IRF8: variants seen among roughly 807,000 people sequenced by gnomAD.
The protein encoded by IRF8 is interferon consensus sequence binding protein 1.
Under a neutral mutation model 48.7 loss-of-function variants are expected in IRF8, and 14 were observed. The ratio of observed to expected loss-of-function variants is 0.29; its 90% CI spans 0.19 to 0.45. IRF8 has a LOEUF of 0.45. IRF8 is among the 20% of genes least tolerant of loss of function. The probability of loss-of-function intolerance (pLI) is 1.00; values close to 1 mark genes in which losing one functional copy is unlikely to be tolerated. For missense variants in IRF8, 493 were observed against 580.7 expected (o/e 0.85, Z 1.55); for synonymous variants, 278 against 227.3 (o/e 1.22, Z -2.01).
intron 6 of IRF8, among the ~76,000 whole-genome samples, chr16:85,918,156 TAAAG>T (rs1905381413): frequency 6.6e-6 from 1 of 152,178 alleles, no homozygotes; most frequent in South Asian, 2.1e-4. Context: ...ACCTTGTATT[TAAAG>T]AGTCAGTGAA....
chr16:85,920,081 C>A, intron 7 of IRF8, 28 bp from the exon 8 acceptor site: 1 of 1,566,276 alleles, frequency 6.4e-7, no homozygotes, highest in Non-Finnish European at 8.8e-7. Context: ...GCCTTGCTTG[C>A]AAACACCCTC....
At chr16:85,904,002 C>A (rs1904910812) in intron 2 of IRF8, among the ~76,000 whole-genome samples, 1 of 152,180 alleles carries the variant, frequency 6.6e-6, no homozygotes, top group Non-Finnish European at 1.5e-5. Context: ...GACAGAGGAA[C>A]CAGGAATTAG....
chr16:85,916,696 G>A (rs1369196166), intron 6 of IRF8, among the ~76,000 whole-genome samples: 1 of 152,244 alleles, frequency 6.6e-6, no homozygotes, highest in South Asian at 2.1e-4. Flanking sequence ...GGCCAAAGGG[G>A]TGACGGAGTT....
intron 1 of IRF8, among the ~76,000 whole-genome samples, chr16:85,900,517 C>T (rs1266455378): frequency 2.0e-5 from 3 of 152,206 alleles, no homozygotes; most frequent in Non-Finnish European, 2.9e-5. Context: ...GAGGAGACCA[C>T]GAAGGACACA....
Position 85,920,136 on chromosome 16 carries a change from G to A in IRF8, c.1016G>A (p.Gly339Asp). 1 of 1,614,140 alleles carries A rather than the reference G, an allele frequency of 6.2e-7. No homozygotes were observed. Among genetic ancestry groups the A allele is most frequent in the Non-Finnish European group, 8.5e-7 (1 of 1,180,000 alleles). The change falls in exon 8 of 9, where the codon GGC becomes GAC. Residue 339 changes from glycine (G) to aspartate (D), a missense_variant. By Grantham distance (94) the Gly-to-Asp change is moderately conservative (BLOSUM62 -1). Around this residue, in one of 3 missense-constraint regions of IRF8, gnomAD observed 408 missense variants for 449.6 expected, o/e 0.91. Transcript: ENST00000268638. ...CTGCAGCAGTTCTATAACAGCCAGGGCCGGCTTCCTGACGGCAGGGTGGTG... is the reference window on the plus strand; with the variant it reads ...CTGCAGCAGTTCTATAACAGCCAGGACCGGCTTCCTGACGGCAGGGTGGTG... ...RELQQFYNSQ[G>D]RLPDGRVVLC...
At chr16:85,901,809 T>C (rs570336502) in intron 1 of IRF8, among the ~76,000 whole-genome samples, 2 of 152,340 alleles carry the variant, frequency 1.3e-5, no homozygotes, top group Admixed American at 1.3e-4. Context: ...ATTGATATTT[T>C]GCTTTCTGGA....
intron 1 of IRF8, among the ~76,000 whole-genome samples, chr16:85,899,593 A>G (rs982464307): frequency 6.6e-6 from 1 of 152,176 alleles, no homozygotes; most frequent in Non-Finnish European, 1.5e-5. Context: ...TACCACGTGG[A>G]ATAATGCTTG....
rs1216291731 is a variant in IRF8, at chr16:85,921,567, T to C, written c.*285T>C. 4.6e-6 allele frequency: 2 copies of C among 431,714 alleles called. No individual in the cohort carries two copies. Among genetic ancestry groups the C allele is most frequent in the Admixed American group, 3.8e-5 (1 of 26,364 alleles). 26.7% of individuals were successfully genotyped at this position (431,714 alleles called of 1,614,324 possible). A position where few individuals can be genotyped will look rare whatever the true frequency, so the allele number is the denominator to read the frequency against. On this transcript the variant is annotated 3_prime_UTR_variant, in exon 9 of 9. Transcript: ENST00000268638. ...TCATTATCATTAGTTGCTATGATTC[T>C]TTCTGCATTTTCGGTTAACTATCAT...
At position 85,921,101 on chromosome 16, in the gene IRF8, T is replaced by A; in HGVS notation, c.1105-5T>A. On this transcript the variant is annotated splice_polypyrimidine_tract_variant and splice_region_variant and intron_variant, in intron 8 of 8. Coordinates refer to ENST00000268638, the MANE Select transcript of IRF8 (RefSeq NM_002163.4). ...TGCCTCTGACTTTCTGCACCTCCCA[T>A]CTAGATTGAGCAGCTGTATGTCCGG... 6.2e-7 allele frequency: 1 copy of A among 1,611,088 alleles called. No individual in the cohort carries two copies. Among genetic ancestry groups the A allele is most frequent in the Non-Finnish European group, 8.5e-7 (1 of 1,178,664 alleles).
intron 3 of IRF8, among the ~76,000 whole-genome samples, chr16:85,910,969 G>A (rs1259538067): frequency 1.3e-5 from 2 of 152,240 alleles, no homozygotes; most frequent in Non-Finnish European, 2.9e-5. Context: ...AAGGGAAAGA[G>A]CAGAGGCTGG....
intron 6 of IRF8, among the ~76,000 whole-genome samples, chr16:85,915,539 C>T (rs1318740627): frequency 6.6e-6 from 1 of 152,206 alleles, no homozygotes; most frequent in East Asian, 1.9e-4. Flanking sequence ...GGGTTGTTTT[C>T]ACTCCGGCTT....
intron 3 of IRF8, chr16:85,909,632 A>G (rs1334047958): frequency 1.0e-5 from 2 of 190,864 alleles, no homozygotes; most frequent in Non-Finnish European, 2.2e-5. Context: ...GTGTTACTAG[A>G]TCCTGATTGT....
At chr16:85,921,073 C>G (rs750439281) in intron 8 of IRF8, 33 bp from the exon 9 acceptor site, 4 of 1,592,228 alleles carry the variant, frequency 2.5e-6, no homozygotes, top group Non-Finnish European at 3.4e-6. Flanking sequence ...GAGCCTCCGC[C>G]TCTGCCTCTG....
intron 7 of IRF8, among the ~76,000 whole-genome samples, chr16:85,919,516 C>CT (rs1227333214): frequency 1.3e-5 from 2 of 152,172 alleles, no homozygotes; most frequent in East Asian, 3.9e-4. Flanking sequence ...GGCATAAGCC[C>CT]TGAGGAATCC....
intron 1 of IRF8, among the ~76,000 whole-genome samples, chr16:85,901,453 C>T (rs1292202777): frequency 6.6e-6 from 1 of 152,044 alleles, no homozygotes; most frequent in African/African-American, 2.4e-5. Context: ...ATAGCGAGAT[C>T]CTGTCTCTAA....
intron 6 of IRF8, among the ~76,000 whole-genome samples, chr16:85,917,542 CT>C (rs1905354663): frequency 6.6e-6 from 1 of 152,150 alleles, no homozygotes; most frequent in Non-Finnish European, 1.5e-5. Flanking sequence ...CCTGTGGCAC[CT>C]GGTATAAGTA....
intron 6 of IRF8, 37 bp downstream of exon 6, chr16:85,914,557 T>C (rs1338453630): frequency 6.2e-7 from 1 of 1,612,954 alleles, no homozygotes. Context: ...GCGTGGGCAC[T>C]GTTTGAAGAC....
At chr16:85,909,308 G>T (rs920684628) in intron 3 of IRF8, 135 bp downstream of exon 3, 2 of 743,774 alleles carry the variant, frequency 2.7e-6, no homozygotes, top group Non-Finnish European at 4.7e-6. Context: ...TCTCTCCTTC[G>T]TGTAAGCAGA....
At chr16:85,912,434 G>A (rs1184353122) in intron 4 of IRF8, among the ~76,000 whole-genome samples, 1 of 152,166 alleles carries the variant, frequency 6.6e-6, no homozygotes, top group East Asian at 1.9e-4. Flanking sequence ...CTTAAGAGTA[G>A]CTTGGCTGTC....
Sources: gnomAD v4.1 joint callset for allele counts (sites outside exome capture counted in the v4.1 genomes callset) on GRCh38, gnomAD v4.1.1 for gene constraint, gnomAD v4.1.1 regional missense constraint, MANE v1.5 for transcripts, NCBI Gene and HGNC (gene_info 2026-07-23, HGNC 2026-07-21) for gene names.